The following LRP1B variants were observed in gnomAD, a reference collection of about 807,000 sequenced individuals.
LRP1B encodes low-density lipoprotein receptor-related protein 1B.
LRP1B carries 217 observed loss-of-function variants against 556.6 expected under a neutral mutation model. The ratio of observed to expected loss-of-function variants is 0.39; its 90% CI spans 0.35 to 0.44. The LOEUF is 0.44. Among genes scored for constraint, LRP1B ranks in the 20% least tolerant of loss-of-function variants. LRP1B has a pLI of 1.00. For missense variants in LRP1B, 5,053 were observed against 5,620.8 expected, an observed-to-expected ratio of 0.90 and a Z score of 3.23; for synonymous variants, 2,047 against 1,865.8, an observed-to-expected ratio of 1.10 and a Z score of -2.50.
chr2:140,513,190 G>A lies in LRP1B; in HGVS notation c.8269+1463C>T, dbSNP rs142932648. 9.9e-5 allele frequency among the ~76,000 whole-genome samples: 15 copies of A among 152,098 alleles called. No homozygotes were observed. In the East Asian group the frequency reaches 2.7e-3, roughly 27 times the overall value. On this transcript the variant is annotated intron_variant, in intron 51 of 90. Coordinates refer to ENST00000389484, the MANE Select transcript of LRP1B (RefSeq NM_018557.3). ...CAAATCTTTTTGTATCCAATTAATAGGTAAGGAATAACAAGATAAGGAAAA... is the reference window on the plus strand; with the variant it reads ...CAAATCTTTTTGTATCCAATTAATAAGTAAGGAATAACAAGATAAGGAAAA...
intron 77 of LRP1B, among the ~76,000 whole-genome samples, chr2:140,342,064 A>G (rs1309672495): frequency 6.6e-6 from 1 of 151,460 alleles, no homozygotes; most frequent in African/African-American, 2.4e-5. Flanking sequence ...TAAAACATCA[A>G]AAAAATAGCA....
At chr2:141,050,151 A>G (rs1574021547) in intron 10 of LRP1B, among the ~76,000 whole-genome samples, 1 of 151,860 alleles carries the variant, frequency 6.6e-6, no homozygotes, top group Non-Finnish European at 1.5e-5. Context: ...CAACACAATA[A>G]TTGATATTCA....
At chr2:141,053,850 T>C (rs184400383) in intron 10 of LRP1B, among the ~76,000 whole-genome samples, 64 of 92,382 alleles carry the variant, frequency 6.9e-4, no homozygotes, top group African/African-American at 2.2e-3. Flanking sequence ...GTGTGTGTGA[T>C]TATATTTCCC....
chr2:140,412,348 C>A (rs193247772), intron 66 of LRP1B, among the ~76,000 whole-genome samples: 1 of 152,128 alleles, frequency 6.6e-6, no homozygotes, highest in East Asian at 1.9e-4. Flanking sequence ...TGGGTACTCC[C>A]AAATCAACTT....
intron 11 of LRP1B, among the ~76,000 whole-genome samples, chr2:141,039,359 G>A (rs916875276): frequency 3.3e-5 from 5 of 151,996 alleles, no homozygotes; most frequent in African/African-American, 9.6e-5. Flanking sequence ...CTCTTACTAT[G>A]CCCATTTATA....
At chr2:140,308,960 A>G (rs538700747) in intron 83 of LRP1B, among the ~76,000 whole-genome samples, 33 of 151,926 alleles carry the variant, frequency 2.2e-4, no homozygotes, top group African/African-American at 7.0e-4. Context: ...AGAAAAGCCT[A>G]TCTCCTGACC....
rs1559130993 is a variant in LRP1B, at chr2:141,544,325, C to CTTCTTCTTCTTCTTCTTCTT, written c.206-63812_206-63793dup. On this transcript the variant is annotated intron_variant, in intron 2 of 90. Coordinates refer to ENST00000389484, the MANE Select transcript of LRP1B (RefSeq NM_018557.3). ...TCTTCTTCTTCTTCTTCTTCTTCTT[C>CTTCTTCTTCTTCTTCTTCTT]TTCTTCTTCTTCTTCTTCTTCTTCT... 2.5e-3 allele frequency among the ~76,000 whole-genome samples: 139 copies of CTTCTTCTTCTTCTTCTTCTT among 55,600 alleles called. 2 individuals carry two copies. Among genetic ancestry groups the CTTCTTCTTCTTCTTCTTCTT allele is most frequent in the African/African-American group, 7.5e-3 (98 of 13,022 alleles). The allele number at this position is 55,600 out of a possible 152,430, so 36.5% of individuals were successfully genotyped here.
chr2:140,464,919 A>G (rs912003536), intron 60 of LRP1B, among the ~76,000 whole-genome samples: 1 of 152,192 alleles, frequency 6.6e-6, no homozygotes, highest in African/African-American at 2.4e-5. Context: ...ATATATTTCT[A>G]AAATAAAAAC....
intron 23 of LRP1B, among the ~76,000 whole-genome samples, chr2:140,888,973 A>C (rs1220114395): frequency 6.6e-6 from 1 of 151,618 alleles, no homozygotes; most frequent in Non-Finnish European, 1.5e-5. Flanking sequence ...AAAAAAAAAA[A>C]AAAAAAACTT....
rs558626012 is a variant in LRP1B at position 140,464,088 on chromosome 2, C to T, written c.9626-6437G>A. On this transcript the variant is annotated intron_variant, in intron 60 of 90. Coordinates refer to ENST00000389484, the MANE Select transcript of LRP1B (RefSeq NM_018557.3). The stretch of plus-strand genomic sequence containing the variant: ...GTGCATGCCTGTAGTCCCAGCTACT[C>T]GGGAGGCTGGGGCAGAAGAATCGCT... Among the ~76,000 whole-genome samples, 533 of 151,886 alleles carry T rather than the reference C, an allele frequency of 3.5e-3. 8 individuals are homozygous for T. The highest frequency in any genetic ancestry group is 0.012 in the African/African-American group (491 of 41,406).
chr2:140,585,354 A>G (rs544752473), intron 43 of LRP1B, among the ~76,000 whole-genome samples: 12 of 152,120 alleles, frequency 7.9e-5, no homozygotes, highest in Non-Finnish European at 1.5e-4. Flanking sequence ...TCTTATATCT[A>G]AGTTTCAAAT....
intron 24 of LRP1B, among the ~76,000 whole-genome samples, chr2:140,885,646 C>T (rs561995617): frequency 3.3e-5 from 5 of 152,028 alleles, no homozygotes; most frequent in Non-Finnish European, 5.9e-5. Context: ...CCACCACACC[C>T]GGCTATTTAT....
At chr2:140,685,577 A>G (rs1393335150) in intron 41 of LRP1B, among the ~76,000 whole-genome samples, 1 of 152,172 alleles carries the variant, frequency 6.6e-6, no homozygotes, top group Non-Finnish European at 1.5e-5. Flanking sequence ...TCTGTAGTTA[A>G]AACTTTCACA....
intron 11 of LRP1B, among the ~76,000 whole-genome samples, chr2:141,022,416 C>T (rs1426672995): frequency 6.6e-6 from 1 of 151,850 alleles, no homozygotes; most frequent in Non-Finnish European, 1.5e-5. Flanking sequence ...GGAGGAATTT[C>T]TCTCTTGCAG....
chr2:141,048,236 G>C (rs1698935339), intron 11 of LRP1B, among the ~76,000 whole-genome samples: 1 of 152,164 alleles, frequency 6.6e-6, no homozygotes, highest in South Asian at 2.1e-4. Context: ...AACAGGTCCA[G>C]AATCATTAGT....
intron 83 of LRP1B, among the ~76,000 whole-genome samples, chr2:140,311,853 T>C (rs1684319058): frequency 6.6e-6 from 1 of 151,936 alleles, no homozygotes; most frequent in Non-Finnish European, 1.5e-5. Flanking sequence ...CTCTTTAAGA[T>C]ATCAGTTAGG....
intron 77 of LRP1B, among the ~76,000 whole-genome samples, chr2:140,350,178 A>T (rs910258774): frequency 2.0e-5 from 3 of 152,084 alleles, no homozygotes; most frequent in Non-Finnish European, 1.5e-5. Context: ...ACATGCCCTA[A>T]AACAAAAAGG....
intron 17 of LRP1B, among the ~76,000 whole-genome samples, chr2:140,986,765 C>G (rs1696939397): frequency 6.6e-6 from 1 of 152,162 alleles, no homozygotes; most frequent in African/African-American, 2.4e-5. Context: ...TGAGGAAAGG[C>G]ATTGTGTATT....
chr2:141,439,330 A>G (rs557644501), intron 3 of LRP1B, among the ~76,000 whole-genome samples: 142 of 152,234 alleles, frequency 9.3e-4, no homozygotes, highest in African/African-American at 3.3e-3. Flanking sequence ...ACAAGCAAGA[A>G]GTTTGAAATT....
Sources: gnomAD v4.1 joint callset for allele counts (sites outside exome capture counted in the v4.1 genomes callset) on GRCh38, gnomAD v4.1.1 for gene constraint, MANE v1.5 for transcripts, NCBI Gene and HGNC (gene_info 2026-07-23, HGNC 2026-07-21) for gene names.